CSMD3: variants seen among roughly 807,000 people sequenced by gnomAD.
CSMD3 encodes the protein CUB and sushi domain-containing protein 3.
CSMD3 carries 177 observed loss-of-function variants against 435.2 expected under a neutral mutation model. The observed-to-expected ratio is 0.41, with a 90% CI of 0.36 to 0.46. The LOEUF (loss-of-function observed/expected upper bound fraction) is 0.46, where lower values mean the gene tolerates loss of function less well. CSMD3 is among the 20% of genes least tolerant of loss of function. The pLI, the probability that CSMD3 is intolerant of heterozygous loss-of-function variation, is 0.34. For synonymous variants in CSMD3, 1,656 were observed against 1,520.5 expected, an observed-to-expected ratio of 1.09 and a Z score of -2.07; for missense variants, 4,265 against 4,504.6, an observed-to-expected ratio of 0.95 and a Z score of 1.52.
chr8:112,849,070 C>T (rs1011246229), intron 11 of CSMD3, among the ~76,000 whole-genome samples: 1 of 152,036 alleles, frequency 6.6e-6, no homozygotes, highest in African/African-American at 2.4e-5. Flanking sequence ...ATAATCAATA[C>T]TTATTCTTTT....
At chr8:112,262,554 C>G (rs932532233) in intron 61 of CSMD3, among the ~76,000 whole-genome samples, 1 of 151,744 alleles carries the variant, frequency 6.6e-6, no homozygotes, top group African/African-American at 2.4e-5. Context: ...ATAAATAAAG[C>G]CTGGAAGGGA....
chr8:113,364,510 GA>G (rs1238554383), intron 1 of CSMD3, among the ~76,000 whole-genome samples: 1 of 151,908 alleles, frequency 6.6e-6, no homozygotes, highest in Non-Finnish European at 1.5e-5. Context: ...TTTTTTGAAG[GA>G]AAATAGCCAA....
chr8:113,106,531 G>A (rs1193691979), intron 4 of CSMD3, among the ~76,000 whole-genome samples: 1 of 152,126 alleles, frequency 6.6e-6, no homozygotes, highest in Non-Finnish European at 1.5e-5. Flanking sequence ...TGTGGAGCAG[G>A]GGCAAGCATG....
Position 112,321,043 on chromosome 8 carries a change from T to C in CSMD3, c.7166-1062A>G, listed in dbSNP as rs76545507. Among the ~76,000 whole-genome samples the C allele has an allele frequency of 9.3e-4, 141 of 152,260 alleles. 1 individual carries two copies. The highest frequency in any genetic ancestry group is 3.4e-3 in the African/African-American group (140 of 41,574). ...CTATCCTCACATGACATCTAAAATC[T>C]ACAACAAAATCATTTGCTTGATTGA... On this transcript the variant is annotated intron_variant, in intron 45 of 70. Coordinates refer to ENST00000297405, the MANE Select transcript of CSMD3 (RefSeq NM_198123.2).
chr8:112,541,602 A>G (rs1826669019), intron 27 of CSMD3, among the ~76,000 whole-genome samples: 1 of 151,914 alleles, frequency 6.6e-6, no homozygotes, highest in Non-Finnish European at 1.5e-5. Context: ...CCATTTAAGC[A>G]GTATTTTAAA....
At chr8:113,128,620 A>G (rs2091204342) in intron 4 of CSMD3, among the ~76,000 whole-genome samples, 3 of 152,032 alleles carry the variant, frequency 2.0e-5, no homozygotes, top group Admixed American at 1.3e-4. Context: ...AAACACAAAA[A>G]AGAAGTTAAT....
chr8:113,409,434 C>T (rs1263869001), intron 1 of CSMD3, among the ~76,000 whole-genome samples: 1 of 152,026 alleles, frequency 6.6e-6, no homozygotes, highest in Non-Finnish European at 1.5e-5. Context: ...TATCTCTTTT[C>T]ACTTTAGGCA....
At chr8:113,178,248 A>C (rs2092376057) in intron 3 of CSMD3, among the ~76,000 whole-genome samples, 1 of 151,950 alleles carries the variant, frequency 6.6e-6, no homozygotes, top group African/African-American at 2.4e-5. Flanking sequence ...TGTAGAAAGG[A>C]AAACTGAGAC....
chr8:112,767,081 T>G (rs1209215267), intron 13 of CSMD3, among the ~76,000 whole-genome samples: 1 of 151,750 alleles, frequency 6.6e-6, no homozygotes, highest in Non-Finnish European at 1.5e-5. Context: ...ATAGTAAATT[T>G]TGGGATTCCT....
intron 27 of CSMD3, among the ~76,000 whole-genome samples, chr8:112,531,824 T>C (rs190330895): frequency 6.6e-6 from 1 of 152,190 alleles, no homozygotes. Context: ...GATTGACACA[T>C]GTCCACAAGC....
At chr8:112,994,094 T>G (rs1292455742) in intron 6 of CSMD3, among the ~76,000 whole-genome samples, 1 of 151,766 alleles carries the variant, frequency 6.6e-6, no homozygotes, top group Admixed American at 6.6e-5. Context: ...AGGATAGAGA[T>G]AATATTTCTT....
chr8:113,405,029 G>C (rs150081700), intron 1 of CSMD3, among the ~76,000 whole-genome samples: 426 of 151,448 alleles, frequency 2.8e-3, no homozygotes, highest in African/African-American at 8.6e-3. Flanking sequence ...AGATATGCTA[G>C]GATTTTCAGT....
intron 32 of CSMD3, among the ~76,000 whole-genome samples, chr8:112,429,694 CAT>C (rs1813452928): frequency 6.6e-6 from 1 of 151,976 alleles, no homozygotes; most frequent in Non-Finnish European, 1.5e-5. Context: ...CTGTGTGACA[CAT>C]AGCCTAAAGT....
intron 38 of CSMD3, among the ~76,000 whole-genome samples, chr8:112,374,134 TC>T (rs1219946072): frequency 2.0e-5 from 3 of 152,158 alleles, no homozygotes; most frequent in Non-Finnish European, 2.9e-5. Context: ...GAATTTAAAC[TC>T]AATACTTAGC....
At chr8:113,265,712 T>C (rs1461506327) in intron 3 of CSMD3, among the ~76,000 whole-genome samples, 1 of 151,650 alleles carries the variant, frequency 6.6e-6, no homozygotes, top group Non-Finnish European at 1.5e-5. Context: ...TGATTTGTGT[T>C]ATTCTCTAGA....
chr8:113,004,662 G>A (rs1043100140), intron 6 of CSMD3, among the ~76,000 whole-genome samples: 1 of 151,824 alleles, frequency 6.6e-6, no homozygotes, highest in Non-Finnish European at 1.5e-5. Flanking sequence ...GGAATCAATA[G>A]TCTAACACAA....
At chr8:112,852,259 C>T (rs1019851556) in intron 11 of CSMD3, among the ~76,000 whole-genome samples, 2 of 152,066 alleles carry the variant, frequency 1.3e-5, no homozygotes, top group African/African-American at 4.8e-5. Flanking sequence ...CATTATAGGG[C>T]ATGTGATAAG....
intron 5 of CSMD3, among the ~76,000 whole-genome samples, chr8:113,097,300 A>G (rs1039098135): frequency 6.6e-6 from 1 of 152,068 alleles, no homozygotes; most frequent in Non-Finnish European, 1.5e-5. Context: ...TTATTCAACA[A>G]ATACTTGTTG....
At chr8:112,318,702 T>C in intron 47 of CSMD3, 135 bp downstream of exon 47, 1 of 651,376 alleles carries the variant, frequency 1.5e-6, no homozygotes. Flanking sequence ...ATAGCACATA[T>C]GAGTTATAAA....
Sources: allele counts gnomAD v4.1 joint callset (sites outside exome capture counted in the v4.1 genomes callset), GRCh38; gene constraint gnomAD v4.1.1; transcripts MANE v1.5; gene names NCBI Gene and HGNC (gene_info 2026-07-23, HGNC 2026-07-21).